The following MARCO variants were observed in gnomAD, a reference collection of about 807,000 sequenced individuals.
The protein encoded by MARCO is macrophage receptor MARCO.
In MARCO, 72 loss-of-function variants were observed where a neutral mutation model predicts 70.0. The observed-to-expected ratio is 1.03, with a 90% CI of 0.85 to 1.25. The LOEUF (loss-of-function observed/expected upper bound fraction) is 1.25. Ranked by LOEUF, MARCO falls within the 50% of genes most tolerant of loss-of-function variation. MARCO has a pLI of 0.00. For synonymous variants in MARCO, 273 were observed against 243.1 expected (o/e 1.12, Z -1.14); for missense variants, 696 against 659.3 (o/e 1.06, Z -0.61).
At chr2:118,975,181 C>A (rs1680256969) in intron 6 of MARCO, among the ~76,000 whole-genome samples, 1 of 152,120 alleles carries the variant, frequency 6.6e-6, no homozygotes, top group South Asian at 2.1e-4. Flanking sequence ...GAATGGGGGG[C>A]CCAGAGCTGT....
chr2:118,974,741 T>C (rs1163290011), intron 6 of MARCO, among the ~76,000 whole-genome samples, 176 bp downstream of exon 6: 3 of 152,056 alleles, frequency 2.0e-5, no homozygotes, highest in Non-Finnish European at 4.4e-5. Flanking sequence ...CCCTTTCTGG[T>C]GGCCAGAGTA....
chr2:118,990,633 G>C lies in MARCO; in HGVS notation c.1108G>C (p.Gly370Arg), dbSNP rs150728642. 1.3e-6 allele frequency: 2 copies of C among 1,599,910 alleles called. No homozygotes were observed. The highest frequency in any genetic ancestry group is 2.7e-5 in the African/African-American group (2 of 74,464). Residue 370 changes from glycine (G) to arginine (R), a missense_variant and splice_region_variant, in exon 13 of 17, where the codon GGC becomes CGC. By Grantham distance (125) the Gly-to-Arg change is moderately radical (BLOSUM62 -2). Around this residue, in one of 3 missense-constraint regions of MARCO, gnomAD observed 605 missense variants for 537.6 expected, o/e 1.13. Coordinates refer to ENST00000327097, the MANE Select transcript of MARCO (RefSeq NM_006770.4). ...AAGAAAAGGAGAATCAGGAGTTCCA[G>C]GTAAAGGGCAGGCTGCATCTTCATC... ...QGRKGESGVP[G>R]PAGVKGEQGS...
chr2:118,990,154 C>T (rs1181554137), intron 12 of MARCO, among the ~76,000 whole-genome samples: 1 of 152,232 alleles, frequency 6.6e-6, no homozygotes, highest in Non-Finnish European at 1.5e-5. Context: ...AGAGCATCTA[C>T]TATGCAGGAG....
chr2:118,967,288 G>C (rs1680070431), intron 1 of MARCO, among the ~76,000 whole-genome samples: 1 of 152,204 alleles, frequency 6.6e-6, no homozygotes, highest in South Asian at 2.1e-4. Context: ...GGAAGGAGGA[G>C]AGCCAGTATT....
At chr2:118,986,684 A>AGAAAGAAGGAAGGAAGGAAG (rs1680509078) in intron 12 of MARCO, among the ~76,000 whole-genome samples, 3 of 62,908 alleles carry the variant, frequency 4.8e-5, no homozygotes, top group Non-Finnish European at 9.4e-5. Context: ...AAAGAAAGAA[A>AGAAAGAAGGAAGGAAGGAAG]GAAAGAAAGA....
intron 1 of MARCO, among the ~76,000 whole-genome samples, chr2:118,943,718 G>A (rs748267702): frequency 3.9e-5 from 6 of 152,196 alleles, no homozygotes; most frequent in Non-Finnish European, 8.8e-5. Flanking sequence ...CCACATGTTT[G>A]TATTGTATTC....
In MARCO at chr2:118,990,569, C is replaced by CTGGTGTGT; in HGVS notation, c.1064-19_1064-18insGGTGTGTT. 1 of 1,415,984 alleles carries CTGGTGTGT rather than the reference C, an allele frequency of 7.1e-7. No homozygotes were observed. Among genetic ancestry groups the CTGGTGTGT allele is most frequent in the Non-Finnish European group, 9.7e-7 (1 of 1,028,338 alleles). 87.7% of individuals were successfully genotyped at this position (1,415,984 alleles called of 1,614,324 possible). A position where few individuals can be genotyped will look rare whatever the true frequency, so the allele number is the denominator to read the frequency against. Reference sequence around the variant, plus strand: ...AGTTTTATTATCTCCTCCCCCCCCCCTTTTTTGTTTTGATCTTAGGACTTC... The same window carrying CTGGTGTGT: ...AGTTTTATTATCTCCTCCCCCCCCCCTGGTGTGTTTTTTTGTTTTGATCTTAGGACTTC... On this transcript the variant is annotated intron_variant, in intron 12 of 16. Transcript: ENST00000327097.
At chr2:118,969,396 C>A (rs572028030) in intron 2 of MARCO, 135 bp downstream of exon 2, 1 of 656,324 alleles carries the variant, frequency 1.5e-6, no homozygotes. Flanking sequence ...CAGTCTCAGC[C>A]CCTGGCAGCC....
chr2:118,964,617 G>A (rs1359259124), intron 1 of MARCO, among the ~76,000 whole-genome samples: 1 of 152,202 alleles, frequency 6.6e-6, no homozygotes, highest in Non-Finnish European at 1.5e-5. Flanking sequence ...GCCAGGCACA[G>A]TGGCTCATGC....
In MARCO at chr2:118,994,412, T is replaced by A. The variant is rs757699085; in HGVS notation, c.1455T>A (p.Asn485Lys). The A allele has an allele frequency of 7.4e-6, 12 of 1,614,086 alleles. No homozygotes were observed. In the Admixed American group the frequency reaches 1.8e-4, roughly 25 times the overall value. The change falls in exon 17 of 17, where the codon AAT (asparagine) becomes AAA (lysine). Residue 485 changes from asparagine to lysine, a missense_variant. Around this residue, in one of 3 missense-constraint regions of MARCO, gnomAD observed 58 missense variants for 62.1 expected, o/e 0.93. Transcript: ENST00000327097. The part of the protein sequence containing the change: ...GAGTGQIWLD[N>K]VQCRGTESTL... ...GCACTGGGCAGATCTGGCTGGATAATGTTCAGTGTCGGGGCACGGAGAGTA... is the reference window on the plus strand; with the variant it reads ...GCACTGGGCAGATCTGGCTGGATAAAGTTCAGTGTCGGGGCACGGAGAGTA...
Position 118,974,534 on chromosome 2 carries a change from C to T in MARCO, c.582C>T (p.Pro194=), listed in dbSNP as rs1680239648. ...GRDGATGPSG[P]QGPPGVKGEA... ...TTTCCCTTCCAGGCCCCTCGGGACC[C>T]CAAGGCCCACCGGGAGTCAAGGGAG... Residue 194 remains proline, a synonymous_variant, in exon 6 of 17, where the codon CCC becomes CCT. Coordinates refer to ENST00000327097, the MANE Select transcript of MARCO (RefSeq NM_006770.4). The T allele has an allele frequency of 1.9e-6, 3 of 1,613,918 alleles. No individual in the cohort carries two copies. Among genetic ancestry groups the T allele is most frequent in the East Asian group, 4.5e-5 (2 of 44,856 alleles).
chr2:118,947,234 T>A (rs1679617835), intron 1 of MARCO, among the ~76,000 whole-genome samples: 1 of 152,240 alleles, frequency 6.6e-6, no homozygotes, highest in Non-Finnish European at 1.5e-5. Context: ...AAGAGTTCTT[T>A]AGCCCTTGTT....
intron 1 of MARCO, among the ~76,000 whole-genome samples, chr2:118,953,575 A>G (rs948237456): frequency 2.6e-5 from 4 of 152,152 alleles, no homozygotes; most frequent in Non-Finnish European, 4.4e-5. Flanking sequence ...GAGAGGCGGG[A>G]CTAGATTTCT....
intron 14 of MARCO, 78 bp downstream of exon 14, chr2:118,991,953 C>T (rs565721685): frequency 3.0e-4 from 312 of 1,041,218 alleles, no homozygotes; most frequent in East Asian, 1.0e-3. Context: ...ATAGGAAAGG[C>T]GCTGTTTTAA....
chr2:118,977,403 C>T, intron 6 of MARCO, 68 bp from the exon 7 acceptor site: 1 of 1,266,716 alleles, frequency 7.9e-7, no homozygotes, highest in East Asian at 2.3e-5. Context: ...TCTAGAATGT[C>T]AGCTGATTAA....
chr2:118,990,697 G>A (rs1680605556), intron 13 of MARCO, 64 bp downstream of exon 13: 2 of 1,519,366 alleles, frequency 1.3e-6, no homozygotes, highest in South Asian at 1.1e-5. Context: ...CTTCTCAGAG[G>A]GCAGGTCTTG....
intron 1 of MARCO, among the ~76,000 whole-genome samples, chr2:118,945,813 AG>A (rs2104542708): frequency 6.6e-6 from 1 of 152,316 alleles, no homozygotes; most frequent in African/African-American, 2.4e-5. Context: ...AACAAAATAC[AG>A]GTAGAAAAGT....
intron 7 of MARCO, 122 bp from the exon 8 acceptor site, chr2:118,977,706 C>T (rs542437599): frequency 1.2e-6 from 1 of 854,414 alleles, no homozygotes; most frequent in East Asian, 2.7e-5. Context: ...CTAGCACATC[C>T]CCCAGAGGAA....
At chr2:118,950,881 A>G (rs1168489114) in intron 1 of MARCO, among the ~76,000 whole-genome samples, 1 of 152,100 alleles carries the variant, frequency 6.6e-6, no homozygotes, top group Non-Finnish European at 1.5e-5. Flanking sequence ...GTTAAAGGCC[A>G]CAAGATTAGA....
Sources: gnomAD v4.1 joint callset for allele counts (sites outside exome capture counted in the v4.1 genomes callset) on GRCh38, gnomAD v4.1.1 for gene constraint, gnomAD v4.1.1 regional missense constraint, MANE v1.5 for transcripts, NCBI Gene and HGNC (gene_info 2026-07-23, HGNC 2026-07-21) for gene names.